Variants in HYLS1 observed in about 807,000 individuals in gnomAD.
The protein encoded by HYLS1 is HYLS1 centriolar and ciliogenesis associated, also known as centriolar and ciliogenesis-associated protein HYLS1.
HYLS1 carries 25 observed loss-of-function variants against 29.4 expected under a neutral mutation model. The observed-to-expected ratio is 0.85, with a 90% CI of 0.62 to 1.19. The LOEUF is 1.19. Among genes scored for constraint, HYLS1 ranks in the 50% most tolerant of loss-of-function variants. The pLI is 0.00. For missense variants in HYLS1, 352 were observed against 365.1 expected (o/e 0.96, Z 0.29); for synonymous variants, 128 against 126.7 (o/e 1.01, Z -0.07).
chr11:125,892,996 A>C (rs662715), intron 2 of HYLS1, among the ~76,000 whole-genome samples: 124,379 of 152,180 alleles, frequency 0.82, 51,445 homozygotes, highest in Admixed American at 0.89. Context: ...GGATCTTCTG[A>C]CTTAGACACA....
intron 2 of HYLS1, among the ~76,000 whole-genome samples, chr11:125,898,443 G>C (rs1565455792): frequency 6.6e-6 from 1 of 152,184 alleles, no homozygotes; most frequent in South Asian, 2.1e-4. Flanking sequence ...GGGAGGCCGA[G>C]GCGGGTGGGT....
intron 2 of HYLS1, among the ~76,000 whole-genome samples, chr11:125,898,011 G>A (rs904221114): frequency 6.6e-6 from 1 of 152,100 alleles, no homozygotes; most frequent in Non-Finnish European, 1.5e-5. Flanking sequence ...ATAAAATGAA[G>A]AATGTCGGCC....
In HYLS1 at chr11:125,899,396, A is replaced by G. The variant is rs1230566497; in HGVS notation, c.28A>G (p.Ile10Val). ...GGAAGAACTTCTACCTGATGGACAA[A>G]TATGGGCTAATATGGATCCAGAAGA... MEELLPDGQ[I>V]WANMDPEERM... The change falls in exon 3 of 3, where the codon ATA (isoleucine) becomes GTA (valine). Residue 10 changes from isoleucine (I) to valine (V), a missense_variant. By Grantham distance (29) the Ile-to-Val change is conservative (BLOSUM62 3). Transcript: ENST00000425380. 11 of 1,614,066 alleles carry G rather than the reference A, an allele frequency of 6.8e-6. No homozygotes were observed. Among genetic ancestry groups the G allele is most frequent in the Middle Eastern group, 1.6e-4 (1 of 6,084 alleles).
At chr11:125,888,035 G>A (rs944080416) in intron 1 of HYLS1, 1 of 152,324 alleles carries the variant, frequency 6.6e-6, no homozygotes, top group African/African-American at 2.4e-5. Flanking sequence ...CGCGGTCTTT[G>A]CCCCGGTGGC....
intron 2 of HYLS1, among the ~76,000 whole-genome samples, chr11:125,894,672 C>T (rs531353446): frequency 6.6e-6 from 1 of 152,242 alleles, no homozygotes; most frequent in South Asian, 2.1e-4. Context: ...CTTGACTATT[C>T]TTTCTTTCCT....
At chr11:125,895,618 A>G (rs1944558655) in intron 2 of HYLS1, 1 of 1,614,270 alleles carries the variant, frequency 6.2e-7, no homozygotes, top group Non-Finnish European at 8.5e-7. Context: ...CTAGCACTGA[A>G]GCTTGGTTCT....
chr11:125,896,346 A>G, intron 2 of HYLS1: 1 of 1,468,028 alleles, frequency 6.8e-7, no homozygotes, highest in Non-Finnish European at 9.3e-7. Context: ...AAGAGAGCAA[A>G]GGGATACAAC....
chr11:125,896,071 T>C (rs768437497), intron 2 of HYLS1: 5 of 1,614,230 alleles, frequency 3.1e-6, no homozygotes, highest in East Asian at 2.2e-5. Context: ...CCCCAGCCCA[T>C]ATAGGCTATT....
At chr11:125,890,837 A>G in intron 1 of HYLS1, among the ~76,000 whole-genome samples, 1 of 152,112 alleles carries the variant, frequency 6.6e-6, no homozygotes, top group East Asian at 1.9e-4. Flanking sequence ...TGCAAACATC[A>G]TCTTCATATG....
chr11:125,900,024 A>G lies in HYLS1; in HGVS notation c.656A>G (p.Tyr219Cys), dbSNP rs1366261189. 2 of 1,614,244 alleles carry G rather than the reference A, an allele frequency of 1.2e-6. No homozygotes were observed. The highest frequency in any genetic ancestry group is 8.5e-7 in the Non-Finnish European group (1 of 1,180,040). ...GACCGGGTAGCCCGGTATTTTGAGTACAAACGGGACTGGGACTCAATACGT... is the reference window on the plus strand; with the variant it reads ...GACCGGGTAGCCCGGTATTTTGAGTGCAAACGGGACTGGGACTCAATACGT... ...KTDRVARYFE[Y>C]KRDWDSIRLP... Residue 219 changes from tyrosine to cysteine, a missense_variant, in exon 3 of 3, where the codon TAC becomes TGC. Physicochemically the swap from Tyr to Cys is radical, Grantham distance 194. Coordinates refer to ENST00000425380, the MANE Select transcript of HYLS1 (RefSeq NM_001134793.2).
At chr11:125,887,510 C>A (rs1356395641), upstream of HYLS1, 1 of 152,250 alleles carries the variant, frequency 6.6e-6, no homozygotes, top group Non-Finnish European at 1.5e-5. Context: ...CGGAGAAGGC[C>A]CAGACAAAAT....
chr11:125,895,399 T>C, intron 2 of HYLS1: 1 of 1,614,098 alleles, frequency 6.2e-7, no homozygotes, highest in Non-Finnish European at 8.5e-7. Context: ...TCTTGCCATC[T>C]CCCCTCACCT....
chr11:125,895,286 C>T, intron 2 of HYLS1: 1 of 1,613,124 alleles, frequency 6.2e-7, no homozygotes, highest in Non-Finnish European at 8.5e-7. Context: ...TCTCTGGCTT[C>T]TCCATTCCTT....
chr11:125,889,352 A>G (rs991352789), intron 1 of HYLS1, among the ~76,000 whole-genome samples: 1 of 152,188 alleles, frequency 6.6e-6, no homozygotes, highest in African/African-American at 2.4e-5. Context: ...ACATGTTTGC[A>G]TTCTTGTCCA....
chr11:125,895,105 G>A, intron 2 of HYLS1: 1 of 668,904 alleles, frequency 1.5e-6, no homozygotes, highest in Non-Finnish European at 2.4e-6. Context: ...GGAATGCAGT[G>A]GTCCAATCTC....
At chr11:125,886,287 G>C (rs1365811220), upstream of HYLS1, among the ~76,000 whole-genome samples, 1 of 152,148 alleles carries the variant, frequency 6.6e-6, no homozygotes, top group South Asian at 2.1e-4. Flanking sequence ...AAGTGCCTTA[G>C]AGGTAGCACA....
At chr11:125,885,022 T>G (rs1944282704), upstream of HYLS1, among the ~76,000 whole-genome samples, 1 of 152,180 alleles carries the variant, frequency 6.6e-6, no homozygotes, top group Non-Finnish European at 1.5e-5. Flanking sequence ...ATTGGAGGAC[T>G]AAGCAATCCA....
chr11:125,894,918 G>A (rs1303699477), intron 2 of HYLS1, among the ~76,000 whole-genome samples: 1 of 152,184 alleles, frequency 6.6e-6, no homozygotes, highest in Non-Finnish European at 1.5e-5. Flanking sequence ...ATAGAACAAT[G>A]AGAGGAAATT....
At chr11:125,890,932 TAAA>T (rs200637926) in intron 1 of HYLS1, among the ~76,000 whole-genome samples, 4 of 148,014 alleles carry the variant, frequency 2.7e-5, no homozygotes, top group Admixed American at 2.7e-4. Context: ...CACATGCCAT[TAAA>T]AAAAAAAACT....
Sources: gnomAD v4.1 joint callset for allele counts (sites outside exome capture counted in the v4.1 genomes callset) on GRCh38, gnomAD v4.1.1 for gene constraint, MANE v1.5 for transcripts, NCBI Gene and HGNC (gene_info 2026-07-23, HGNC 2026-07-21) for gene names.